DCC: variants seen among roughly 807,000 people sequenced by gnomAD.
The protein encoded by DCC is netrin receptor DCC.
A neutral mutation model predicts 172.5 loss-of-function variants in DCC; 58 were observed. The observed-to-expected ratio is 0.34, with a 90% confidence interval of 0.27 to 0.42. The LOEUF (loss-of-function observed/expected upper bound fraction) is 0.42, where lower values mean the gene tolerates loss of function less well. DCC is among the 10% of genes least tolerant of loss of function. The pLI is 1.00. For missense variants in DCC, 1,740 were observed against 1,791.0 expected (o/e 0.97, Z 0.51); for synonymous variants, 709 against 644.5 (o/e 1.10, Z -1.52).
intron 5 of DCC, among the ~76,000 whole-genome samples, chr18:52,959,206 T>A (rs1229480214): frequency 6.6e-6 from 1 of 151,988 alleles, no homozygotes; most frequent in Admixed American, 6.6e-5. Context: ...TGAAAGAGAG[T>A]AAAAACAGAG....
intron 27 of DCC, among the ~76,000 whole-genome samples, chr18:53,517,302 GT>G (rs2046345924): frequency 6.6e-6 from 1 of 151,040 alleles, no homozygotes; most frequent in African/African-American, 2.4e-5. Flanking sequence ...CTGTTGTGGG[GT>G]GGGGGGAGGC....
chr18:52,713,937 G>A (rs1305160290), intron 1 of DCC, among the ~76,000 whole-genome samples: 2 of 152,126 alleles, frequency 1.3e-5, no homozygotes, highest in Non-Finnish European at 2.9e-5. Context: ...AAATAAGCAG[G>A]TCTTATGAAG....
chr18:53,077,834 A>C (rs1019798403), intron 7 of DCC, among the ~76,000 whole-genome samples: 2 of 152,170 alleles, frequency 1.3e-5, no homozygotes, highest in Admixed American at 6.6e-5. Context: ...TAATCAGACT[A>C]GTTTTAGAAT....
intron 5 of DCC, among the ~76,000 whole-genome samples, chr18:52,962,212 G>C (rs1181577331): frequency 6.6e-6 from 1 of 151,794 alleles, no homozygotes; most frequent in East Asian, 1.9e-4. Flanking sequence ...CTACTTATCT[G>C]ACAAAGGGCT....
At chr18:52,642,073 TATATATACAC>T (rs1568269807) in intron 1 of DCC, among the ~76,000 whole-genome samples, 4 of 8,170 alleles carry the variant, frequency 4.9e-4, no homozygotes, top group Non-Finnish European at 1.6e-3. Flanking sequence ...TATATATATA[TATATATACAC>T]ACACACACAC....
intron 12 of DCC, among the ~76,000 whole-genome samples, chr18:53,259,679 A>G (rs925626339): frequency 1.3e-5 from 2 of 152,032 alleles, no homozygotes; most frequent in Non-Finnish European, 2.9e-5. Flanking sequence ...GAATCTGACA[A>G]TTAAGTGTCT....
At chr18:52,867,474 C>A (rs1270589200) in intron 2 of DCC, among the ~76,000 whole-genome samples, 5 of 149,878 alleles carry the variant, frequency 3.3e-5, no homozygotes, top group Admixed American at 3.3e-4. Flanking sequence ...CTCTTTTTAC[C>A]TCTGGTAGAA....
chr18:52,820,606 C>A (rs748581052), intron 2 of DCC, among the ~76,000 whole-genome samples: 41 of 152,100 alleles, frequency 2.7e-4, no homozygotes, highest in Admixed American at 3.3e-4. Flanking sequence ...AAAAGGGCAG[C>A]AGTATGATGC....
At position 52,616,325 on chromosome 18, in the gene DCC, C is replaced by T. The variant is rs1015496476; in HGVS notation, c.92-135729C>T. On this transcript the variant is annotated intron_variant, in intron 1 of 28. Coordinates refer to ENST00000442544, the MANE Select transcript of DCC (RefSeq NM_005215.4). ...GTATGAGATCTCCGTTTTGGTTAGACGGGACTATCATATTTTAATACCTGA... is the reference window on the plus strand; with the variant it reads ...GTATGAGATCTCCGTTTTGGTTAGATGGGACTATCATATTTTAATACCTGA... 8.6e-5 allele frequency among the ~76,000 whole-genome samples: 13 copies of T among 151,866 alleles called. No homozygotes were observed. The South Asian group carries it at 1.7e-3, about 19-fold the overall frequency.
intron 5 of DCC, among the ~76,000 whole-genome samples, chr18:52,955,961 T>G (rs1369597246): frequency 6.9e-6 from 1 of 145,812 alleles, no homozygotes; most frequent in African/African-American, 2.5e-5. Flanking sequence ...TGGGCTATCA[T>G]TTTTTTTTTT....
chr18:52,989,254 G>A (rs1282999349), intron 5 of DCC, among the ~76,000 whole-genome samples: 1 of 152,092 alleles, frequency 6.6e-6, no homozygotes, highest in Non-Finnish European at 1.5e-5. Flanking sequence ...TGGGTGTGGT[G>A]GCTCACACCT....
intron 15 of DCC, among the ~76,000 whole-genome samples, chr18:53,354,756 A>C (rs1007638322): frequency 9.6e-5 from 14 of 146,460 alleles, no homozygotes; most frequent in African/African-American, 3.6e-4. Context: ...GAAGCTCTTT[A>C]GTTTAATTAG....
At chr18:52,805,251 T>C (rs2038065088) in intron 2 of DCC, among the ~76,000 whole-genome samples, 1 of 152,202 alleles carries the variant, frequency 6.6e-6, no homozygotes, top group African/African-American at 2.4e-5. Context: ...GGATAAAGAA[T>C]GGTCAGCTTA....
At chr18:52,832,251 A>G (rs67944814) in intron 2 of DCC, among the ~76,000 whole-genome samples, 11,661 of 152,220 alleles carry the variant, frequency 0.077, 846 homozygotes, top group East Asian at 0.31. Context: ...CATAGGGGAA[A>G]GAGCCTCACA....
Position 53,299,787 on chromosome 18 carries a change from T to C in DCC, c.1912-5791T>C, listed in dbSNP as rs780911183. ...TTAAGCAGAAAAGAATGTCCTCCTT[T>C]TGACTCATGTTATCTCAGTTAAAAT... On this transcript the variant is annotated intron_variant, in intron 12 of 28. Coordinates refer to ENST00000442544, the MANE Select transcript of DCC (RefSeq NM_005215.4). 2.6e-5 allele frequency among the ~76,000 whole-genome samples: 4 copies of C among 152,318 alleles called. No homozygotes were observed. The South Asian group carries it at 8.3e-4, about 32-fold the overall frequency.
chr18:53,459,207 T>C, intron 23 of DCC, 25 bp from the exon 24 acceptor site: 1 of 1,574,836 alleles, frequency 6.3e-7, no homozygotes, highest in Non-Finnish European at 8.7e-7. Context: ...GGTTCTCACA[T>C]TTGCCTTCTA....
At chr18:52,668,246 G>A (rs2035490443) in intron 1 of DCC, among the ~76,000 whole-genome samples, 1 of 152,080 alleles carries the variant, frequency 6.6e-6, no homozygotes, top group Non-Finnish European at 1.5e-5. Context: ...TCAGAGAGTG[G>A]GGCTCCCCGA....
At chr18:52,869,885 G>T (rs1013394198) in intron 2 of DCC, among the ~76,000 whole-genome samples, 1 of 152,158 alleles carries the variant, frequency 6.6e-6, no homozygotes, top group African/African-American at 2.4e-5. Flanking sequence ...GGGTAAAGGC[G>T]GCCTTCTCAG....
At chr18:53,103,160 A>G (rs1438414553) in intron 7 of DCC, among the ~76,000 whole-genome samples, 1 of 152,060 alleles carries the variant, frequency 6.6e-6, no homozygotes. Flanking sequence ...CGTGGTATAC[A>G]AAAACTCAAG....
Sources: gnomAD v4.1 joint callset for allele counts (sites outside exome capture counted in the v4.1 genomes callset) on GRCh38, gnomAD v4.1.1 for gene constraint, MANE v1.5 for transcripts, NCBI Gene and HGNC (gene_info 2026-07-23, HGNC 2026-07-21) for gene names.